The following DNM2 variants were observed in gnomAD, a reference collection of about 807,000 sequenced individuals.
The protein encoded by DNM2 is dynamin 2, also known as dynamin-2.
In DNM2, 15 loss-of-function variants were observed where a neutral mutation model predicts 99.0. The observed-to-expected ratio is 0.15, with a 90% CI of 0.10 to 0.23. DNM2 has a LOEUF of 0.23. Among genes scored for constraint, DNM2 ranks in the 10% least tolerant of loss-of-function variants. The pLI, the probability that DNM2 is intolerant of heterozygous loss-of-function variation, is 1.00. For synonymous variants in DNM2, 525 were observed against 481.2 expected (o/e 1.09, Z -1.19); for missense variants, 742 against 1,189.4 (o/e 0.62, Z 5.53).
At position 10,818,794 on chromosome 19, in the gene DNM2, G is replaced by A. The variant is rs1041098981; in HGVS notation, c.1672-1186G>A. ...GAAGGGCCAGGGGCACTGTGGGGAG[G>A]ACTGGGCTTTGGGTCACAGAGACCT... On this transcript the variant is annotated intron_variant, in intron 15 of 20. Transcript: ENST00000389253. This position sits in a 1 kb window ranked among gnomAD's most constrained non-coding sequence, Gnocchi z 4.3. Among the ~76,000 whole-genome samples, 1 of 152,214 alleles carries A rather than the reference G, an allele frequency of 6.6e-6. No individual in the cohort carries two copies. Among genetic ancestry groups the A allele is most frequent in the Admixed American group, 6.5e-5 (1 of 15,288 alleles).
At chr19:10,718,602 G>A in intron 1 of DNM2, 199 bp downstream of exon 1, 1 of 787,322 alleles carries the variant, frequency 1.3e-6, no homozygotes, top group Non-Finnish European at 1.7e-6. Flanking sequence ...AGCAGGCCCG[G>A]GCCCCAGGGG....
At position 10,778,948 on chromosome 19, in the gene DNM2, A is replaced by G. The variant is rs147582302; in HGVS notation, c.688+1732A>G. Among the ~76,000 whole-genome samples the G allele has an allele frequency of 3.2e-3, 492 of 151,880 alleles. 1 individual carries two copies. Among genetic ancestry groups the G allele is most frequent in the African/African-American group, 0.011 (475 of 41,448 alleles). The stretch of plus-strand genomic sequence containing the variant: ...TAAATATTTTGGGTCGGGCATGGTG[A>G]CTCACACCTGTAATCCCAGCACTTT... On this transcript the variant is annotated intron_variant, in intron 5 of 20. Coordinates refer to ENST00000389253, the MANE Select transcript of DNM2 (RefSeq NM_001005361.3).
intron 2 of DNM2, among the ~76,000 whole-genome samples, chr19:10,768,108 C>T (rs1168862597): frequency 6.6e-6 from 1 of 152,078 alleles, no homozygotes; most frequent in Non-Finnish European, 1.5e-5. Flanking sequence ...CCTTCGCCCA[C>T]ATGGAGGGGT....
intron 12 of DNM2, among the ~76,000 whole-genome samples, chr19:10,803,032 GC>G (rs2072210260): frequency 6.6e-6 from 1 of 152,160 alleles, no homozygotes; most frequent in African/African-American, 2.4e-5. Flanking sequence ...CTCTCGCTGG[GC>G]CCTGTGATAG....
rs1192557894 is a variant in DNM2 at position 10,817,924 on chromosome 19, C to T, written c.1672-2056C>T. 6.6e-6 allele frequency among the ~76,000 whole-genome samples: 1 copy of T among 152,104 alleles called. No individual in the cohort carries two copies. The highest frequency in any genetic ancestry group is 2.4e-5 in the African/African-American group (1 of 41,422). Reference sequence around the variant, plus strand: ...CAGATGTGGCATTAGCTGGAATGGCCTGTGACTCAGTTACTTGGCCCTGCT... The same window carrying T: ...CAGATGTGGCATTAGCTGGAATGGCTTGTGACTCAGTTACTTGGCCCTGCT... On this transcript the variant is annotated intron_variant, in intron 15 of 20. Transcript: ENST00000389253. The surrounding 1 kb of genome is among the most constrained non-coding windows in gnomAD (Gnocchi z 4.6).
intron 5 of DNM2, among the ~76,000 whole-genome samples, chr19:10,782,331 G>A (rs1020442010): frequency 1.4e-5 from 1 of 70,058 alleles, no homozygotes; most frequent in African/African-American, 5.0e-5. Context: ...ACCGCACCTG[G>A]CCTTGAGATT....
intron 1 of DNM2, among the ~76,000 whole-genome samples, chr19:10,746,125 A>G (rs1190710561): frequency 6.6e-6 from 1 of 151,510 alleles, no homozygotes; most frequent in East Asian, 2.0e-4. Context: ...CACCCCACTA[A>G]TTTTTCTGTA....
At position 10,812,317 on chromosome 19, in the gene DNM2, C is replaced by T. The variant is rs189051481; in HGVS notation, c.1611C>T (p.Gly537=). The stretch of plus-strand genomic sequence containing the variant: ...ACAACATCAGCCTGATGAAAGGCGG[C>T]TCCAAGGAGTACTGGTTTGTGCTGA... ...TINNISLMKG[G]SKEYWFVLTA... Residue 537 remains glycine (G), a synonymous_variant, in exon 15 of 21, where the codon GGC becomes GGT. Coordinates refer to ENST00000389253, the MANE Select transcript of DNM2 (RefSeq NM_001005361.3). The surrounding 1 kb of genome is among the most constrained non-coding windows in gnomAD (Gnocchi z 4.0). The T allele has an allele frequency of 6.2e-7, 1 of 1,611,246 alleles. No homozygotes were observed. Among genetic ancestry groups the T allele is most frequent in the Non-Finnish European group, 8.5e-7 (1 of 1,178,554 alleles).
At chr19:10,802,230 G>A (rs569615122) in intron 11 of DNM2, 58 bp from the exon 12 acceptor site, 9 of 1,582,732 alleles carry the variant, frequency 5.7e-6, no homozygotes, top group South Asian at 3.3e-5. Flanking sequence ...TGCTCTTGCC[G>A]CTGCCCCCCC....
chr19:10,726,957 A>G (rs2069136586), intron 1 of DNM2, among the ~76,000 whole-genome samples: 2 of 152,224 alleles, frequency 1.3e-5, no homozygotes, highest in Admixed American at 6.5e-5. Context: ...AGAGGGATCT[A>G]GAAGAATCTT....
chr19:10,773,080 A>C (rs1166793438), intron 3 of DNM2, among the ~76,000 whole-genome samples: 1 of 150,922 alleles, frequency 6.6e-6, no homozygotes, highest in Non-Finnish European at 1.5e-5. Flanking sequence ...CCCAGGTTCA[A>C]GCAATTATTG....
chr19:10,812,526 C>T lies in DNM2; in HGVS notation c.1671+149C>T, dbSNP rs968106596. 8.2e-6 allele frequency: 5 copies of T among 610,288 alleles called. No individual in the cohort carries two copies. The highest frequency in any genetic ancestry group is 3.7e-5 in the African/African-American group (2 of 54,572). The allele number at this position is 610,288 out of a possible 1,614,324, so 37.8% of individuals were successfully genotyped here. On this transcript the variant is annotated intron_variant, in intron 15 of 20. Transcript: ENST00000389253. This position sits in a 1 kb window ranked among gnomAD's most constrained non-coding sequence, Gnocchi z 4.0. ...GTAACTCGCCGGGCACGGTGGCTCC[C>T]GCCTGTAATCCCAGCACTTTGGGAG...
chr19:10,794,779 AG>A (rs2071877721), intron 8 of DNM2, among the ~76,000 whole-genome samples: 1 of 152,136 alleles, frequency 6.6e-6, no homozygotes, highest in South Asian at 2.1e-4. Context: ...GAAAGAAAAA[AG>A]AAAAAGCTGG....
chr19:10,831,669 C>CTCTCCT lies in DNM2; in HGVS notation c.*623_*628dup, dbSNP rs1350389148. ...GGCCCGGGCCGGCCTTGCCCTATTC[C>CTCTCCT]TCTCCTCCTCCTCCTCCTGGGTCCC... On this transcript the variant is annotated 3_prime_UTR_variant, in exon 21 of 21. Coordinates refer to ENST00000389253, the MANE Select transcript of DNM2 (RefSeq NM_001005361.3). The surrounding 1 kb of genome is among the most constrained non-coding windows in gnomAD (Gnocchi z 4.3). 1.0e-6 allele frequency: 1 copy of CTCTCCT among 986,194 alleles called. No homozygotes were observed. Among genetic ancestry groups the CTCTCCT allele is most frequent in the African/African-American group, 1.7e-5 (1 of 57,224 alleles). The allele number at this position is 986,194 out of a possible 1,614,324, so 61.1% of individuals were successfully genotyped here.
In DNM2 at chr19:10,830,910, A is replaced by AGGCCTGCCTCTTGCTCCC; in HGVS notation, c.2544-62_2544-45dup. ...TGGGTGGGGGCTGGGTCCTCAACCC[A>AGGCCTGCCTCTTGCTCCC]GGCCTGCCTCTTGCTCCCGGCCTCA... On this transcript the variant is annotated intron_variant, in intron 20 of 20. Transcript: ENST00000389253. This position sits in a 1 kb window ranked among gnomAD's most constrained non-coding sequence, Gnocchi z 4.8. 1 of 1,544,006 alleles carries AGGCCTGCCTCTTGCTCCC rather than the reference A, an allele frequency of 6.5e-7. No individual in the cohort carries two copies. Among genetic ancestry groups the AGGCCTGCCTCTTGCTCCC allele is most frequent in the East Asian group, 2.4e-5 (1 of 41,236 alleles).
rs978592117 is a variant in DNM2 at position 10,760,372 on chromosome 19, C to T, written c.235+561C>T. Among the ~76,000 whole-genome samples, 15 of 152,064 alleles carry T rather than the reference C, an allele frequency of 9.9e-5. No homozygotes were observed. The East Asian group carries it at 1.7e-3, about 18-fold the overall frequency. ...TGCTTTTCATGTGTTATAGATAACC[C>T]GATTTTGCTGAACGCTTTCAAAGTC... On this transcript the variant is annotated intron_variant, in intron 2 of 20. Transcript: ENST00000389253.
At chr19:10,725,805 G>A (rs1434662739) in intron 1 of DNM2, among the ~76,000 whole-genome samples, 1 of 152,106 alleles carries the variant, frequency 6.6e-6, no homozygotes, top group Non-Finnish European at 1.5e-5. Flanking sequence ...CCAGACTGGA[G>A]TACAGTGGCG....
intron 1 of DNM2, among the ~76,000 whole-genome samples, chr19:10,721,738 G>C (rs1178283040): frequency 2.0e-5 from 3 of 152,208 alleles, no homozygotes; most frequent in African/African-American, 7.2e-5. Context: ...GTCCGAGTGG[G>C]AACAGCCCAG....
At chr19:10,797,283 C>T in intron 9 of DNM2, 97 bp from the exon 10 acceptor site, 2 of 1,543,936 alleles carry the variant, frequency 1.3e-6, no homozygotes. Context: ...TCAGATGACT[C>T]TCGTTTCTTC....
Sources: allele counts gnomAD v4.1 joint callset (sites outside exome capture counted in the v4.1 genomes callset), GRCh38; gene constraint gnomAD v4.1.1; non-coding constraint Gnocchi (gnomAD v3.1); transcripts MANE v1.5; gene names NCBI Gene and HGNC (gene_info 2026-07-23, HGNC 2026-07-21).